Variants in RSPO3 observed in about 807,000 individuals in gnomAD.
RSPO3 encodes R-spondin-3.
RSPO3 carries 17 observed loss-of-function variants against 36.5 expected under a neutral mutation model. The observed-to-expected ratio is 0.47, with a 90% CI of 0.32 to 0.70. The LOEUF (loss-of-function observed/expected upper bound fraction) is 0.70. RSPO3 is among the 30% of genes least tolerant of loss of function. The probability of loss-of-function intolerance (pLI) is 0.04; values close to 1 mark genes in which losing one functional copy is unlikely to be tolerated. For synonymous variants in RSPO3, 108 were observed against 107.0 expected (o/e 1.01, Z -0.06); for missense variants, 294 against 322.5 (o/e 0.91, Z 0.68).
At chr6:127,158,745 T>C (rs1343269546) in intron 4 of RSPO3, among the ~76,000 whole-genome samples, 1 of 152,246 alleles carries the variant, frequency 6.6e-6, no homozygotes, top group East Asian at 1.9e-4. Flanking sequence ...ATAAATTTAA[T>C]TGTTGTATCC....
intron 1 of RSPO3, among the ~76,000 whole-genome samples, chr6:127,144,868 C>G (rs1204408177): frequency 6.6e-6 from 1 of 151,894 alleles, no homozygotes; most frequent in Middle Eastern, 3.2e-3. Context: ...GTGATCAGCC[C>G]ACCTTGGCCT....
Position 127,197,429 on chromosome 6 carries a change from AT to A in RSPO3, c.*1424del. The A allele has an allele frequency of 6.5e-7, 1 of 1,550,308 alleles. No individual in the cohort carries two copies. Among genetic ancestry groups the A allele is most frequent in the Non-Finnish European group, 8.7e-7 (1 of 1,146,928 alleles). On this transcript the variant is annotated 3_prime_UTR_variant, in exon 5 of 5. Coordinates refer to ENST00000356698, the MANE Select transcript of RSPO3 (RefSeq NM_032784.5). ...TTCTATCTGTGGATCTCTTTAGGGG[AT>A]TGAAGTCACCCTAGCTGAAGGCCTC...
At chr6:127,175,072 A>G (rs760813870) in intron 4 of RSPO3, among the ~76,000 whole-genome samples, 1 of 151,792 alleles carries the variant, frequency 6.6e-6, no homozygotes, top group African/African-American at 2.4e-5. Flanking sequence ...CCTTACTTCA[A>G]TGCAAAAACG....
chr6:127,158,482 T>C (rs1013347918), intron 4 of RSPO3, among the ~76,000 whole-genome samples: 5 of 152,126 alleles, frequency 3.3e-5, no homozygotes, highest in African/African-American at 1.2e-4. Context: ...GTAGGGAGCA[T>C]GTGTTCAGGA....
In RSPO3 at chr6:127,174,006, T is replaced by TA. The variant is rs1208545896; in HGVS notation, c.634+18573dup. 3.3e-5 allele frequency among the ~76,000 whole-genome samples: 5 copies of TA among 151,916 alleles called. No individual in the cohort carries two copies. The East Asian group carries it at 9.7e-4, about 29-fold the overall frequency. ...CAGAGGGCGTTAAGCTATTTCTTTA[T>TA]AAAAATATGGGAACATTGATTTCCT... On this transcript the variant is annotated intron_variant, in intron 4 of 4. Transcript: ENST00000356698.
intron 1 of RSPO3, among the ~76,000 whole-genome samples, chr6:127,142,308 C>A (rs189429090): frequency 6.6e-6 from 1 of 152,180 alleles, no homozygotes; most frequent in Admixed American, 6.5e-5. Flanking sequence ...AGCTTTAACA[C>A]ATGAACAAAT....
chr6:127,191,906 T>C (rs1449826353), intron 4 of RSPO3, among the ~76,000 whole-genome samples: 1 of 152,196 alleles, frequency 6.6e-6, no homozygotes, highest in Non-Finnish European at 1.5e-5. Context: ...CCAGCTTCTA[T>C]GGGTAATATT....
chr6:127,128,344 T>G (rs1773983288), intron 1 of RSPO3, among the ~76,000 whole-genome samples: 1 of 151,034 alleles, frequency 6.6e-6, no homozygotes, highest in South Asian at 2.1e-4. Context: ...CTGGGGATCT[T>G]TAAAAAGATA....
rs1480405736 is a variant in RSPO3 at position 127,162,026 on chromosome 6, CATTGTTGG to C, written c.634+6591_634+6598del. 1.8e-4 allele frequency among the ~76,000 whole-genome samples: 27 copies of C among 152,148 alleles called. 1 individual carries two copies. Among genetic ancestry groups the C allele is most frequent in the African/African-American group, 5.5e-4 (23 of 41,448 alleles). On this transcript the variant is annotated intron_variant, in intron 4 of 4. Coordinates refer to ENST00000356698, the MANE Select transcript of RSPO3 (RefSeq NM_032784.5). Reference sequence around the variant, plus strand: ...TTTTGATCTTGGCTGGGCTCTGTCACATTGTTGGATGGCTGGAGAATGAGGAAATTGCC... The same window carrying C: ...TTTTGATCTTGGCTGGGCTCTGTCACATGGCTGGAGAATGAGGAAATTGCC...
In RSPO3 at chr6:127,196,054, C is replaced by T. The variant is rs1270066453; in HGVS notation, c.*47C>T. Reference sequence around the variant, plus strand: ...AGACTCATGATGCTGCTATCTCAACCAGATGCCCAGGACAGGTGCTCTAGC... The same window carrying T: ...AGACTCATGATGCTGCTATCTCAACTAGATGCCCAGGACAGGTGCTCTAGC... On this transcript the variant is annotated 3_prime_UTR_variant, in exon 5 of 5. Coordinates refer to ENST00000356698, the MANE Select transcript of RSPO3 (RefSeq NM_032784.5). 1 of 1,492,884 alleles carries T rather than the reference C, an allele frequency of 6.7e-7. No homozygotes were observed. The highest frequency in any genetic ancestry group is 9.0e-7 in the Non-Finnish European group (1 of 1,107,682). 92.5% of individuals were successfully genotyped at this position (1,492,884 alleles called of 1,614,324 possible).
chr6:127,187,091 G>C (rs1346446409), intron 4 of RSPO3, among the ~76,000 whole-genome samples: 2 of 152,164 alleles, frequency 1.3e-5, no homozygotes, highest in Admixed American at 1.3e-4. Flanking sequence ...GGTTGAAGCA[G>C]CAGGGGGCGC....
intron 4 of RSPO3, among the ~76,000 whole-genome samples, chr6:127,173,566 C>T (rs2503114): frequency 0.99 from 150,095 of 151,956 alleles, 74,144 homozygotes; most frequent in Middle Eastern, 1. Context: ...ATTTCAAAGG[C>T]TTGGATTTTC....
At chr6:127,136,367 A>G (rs116752307) in intron 1 of RSPO3, among the ~76,000 whole-genome samples, 221 of 152,304 alleles carry the variant, frequency 1.5e-3, no homozygotes, top group African/African-American at 4.8e-3. Context: ...ACAAGGCACA[A>G]TTTTAAAAAA....
At chr6:127,121,653 T>C (rs1052856610) in intron 1 of RSPO3, among the ~76,000 whole-genome samples, 3 of 152,048 alleles carry the variant, frequency 2.0e-5, no homozygotes, top group East Asian at 1.9e-4. Context: ...GAGTGGAGGG[T>C]AGAGAGGTCC....
At chr6:127,158,820 G>T (rs552255872) in intron 4 of RSPO3, among the ~76,000 whole-genome samples, 48 of 152,090 alleles carry the variant, frequency 3.2e-4, no homozygotes, top group African/African-American at 1.1e-3. Context: ...TACTTGACAT[G>T]CTACCTTTTA....
At chr6:127,153,563 A>G (rs1774532749) in intron 3 of RSPO3, among the ~76,000 whole-genome samples, 2 of 152,040 alleles carry the variant, frequency 1.3e-5, no homozygotes, top group South Asian at 4.1e-4. Context: ...AAAACCTTTC[A>G]TCTTCTGACT....
At chr6:127,176,404 G>T (rs899689391) in intron 4 of RSPO3, among the ~76,000 whole-genome samples, 9 of 151,448 alleles carry the variant, frequency 5.9e-5, no homozygotes, top group African/African-American at 2.4e-5. Context: ...AAGGTGCTGG[G>T]GCTCCAACAT....
chr6:127,163,131 T>A (rs1774743497), intron 4 of RSPO3, among the ~76,000 whole-genome samples: 2 of 152,072 alleles, frequency 1.3e-5, no homozygotes, highest in African/African-American at 2.4e-5. Context: ...CAGCATAAAT[T>A]TAAATTCTGG....
At chr6:127,162,119 G>T (rs193062425) in intron 4 of RSPO3, among the ~76,000 whole-genome samples, 1 of 152,192 alleles carries the variant, frequency 6.6e-6, no homozygotes, top group Non-Finnish European at 1.5e-5. Flanking sequence ...TAGAAAAGGT[G>T]AAGTCATTCC....
Sources: gnomAD v4.1 joint callset for allele counts (sites outside exome capture counted in the v4.1 genomes callset) on GRCh38, gnomAD v4.1.1 for gene constraint, MANE v1.5 for transcripts, NCBI Gene and HGNC (gene_info 2026-07-23, HGNC 2026-07-21) for gene names.